The following CADPS2 variants were observed in gnomAD, a reference collection of about 807,000 sequenced individuals.
CADPS2 encodes calcium dependent secretion activator 2, also known as calcium-dependent secretion activator 2.
Under a neutral mutation model 172.5 loss-of-function variants are expected in CADPS2, and 93 were observed. That is an observed-to-expected ratio of 0.54 (90% CI 0.46 to 0.64). CADPS2 has a LOEUF of 0.64. Among genes scored for constraint, CADPS2 ranks in the 30% least tolerant of loss-of-function variants. The pLI is 0.00. For synonymous variants in CADPS2, 546 were observed against 555.2 expected (o/e 0.98, Z 0.23); for missense variants, 1,420 against 1,565.9 (o/e 0.91, Z 1.57).
At chr7:122,692,999 C>G (rs745606806) in intron 2 of CADPS2, among the ~76,000 whole-genome samples, 5 of 152,182 alleles carry the variant, frequency 3.3e-5, no homozygotes, top group Non-Finnish European at 7.3e-5. Context: ...ATAAATCTTC[C>G]CATGTTATGG....
chr7:122,532,486 T>C (rs1586919203), intron 8 of CADPS2, among the ~76,000 whole-genome samples: 2 of 152,152 alleles, frequency 1.3e-5, no homozygotes, highest in Admixed American at 6.6e-5. Context: ...AAATCTTACA[T>C]GGACAGCTTG....
At chr7:122,537,980 A>C (rs1383783230) in intron 8 of CADPS2, among the ~76,000 whole-genome samples, 1 of 152,012 alleles carries the variant, frequency 6.6e-6, no homozygotes, top group Non-Finnish European at 1.5e-5. Context: ...CATAAAATGC[A>C]AAAATTTAAA....
intron 6 of CADPS2, among the ~76,000 whole-genome samples, chr7:122,590,069 T>C (rs2070522135): frequency 6.6e-6 from 1 of 151,800 alleles, no homozygotes; most frequent in South Asian, 2.1e-4. Flanking sequence ...GTGAATTCCA[T>C]CAAAATCCTA....
At chr7:122,452,549 C>T (rs2053262060) in intron 14 of CADPS2, among the ~76,000 whole-genome samples, 1 of 152,124 alleles carries the variant, frequency 6.6e-6, no homozygotes. Flanking sequence ...GCACCTGTCA[C>T]TATGCTTGGC....
chr7:122,734,356 T>TAAAAAAAAAAAAAAAAACAAAAAAAAAA (rs2091945186), intron 2 of CADPS2, among the ~76,000 whole-genome samples: 1 of 46,294 alleles, frequency 2.2e-5, no homozygotes, highest in Non-Finnish European at 3.7e-5. Flanking sequence ...CCAGAAATAG[T>TAAAAAAAAAAAAAAAAACAAAAAAAAAA]AAAAAAAAAA....
At chr7:122,784,394 C>G (rs145305888) in intron 1 of CADPS2, among the ~76,000 whole-genome samples, 2 of 152,182 alleles carry the variant, frequency 1.3e-5, no homozygotes. Context: ...TAAATACATA[C>G]GCACTCATGT....
At chr7:122,640,171 C>T (rs1156563671) in intron 3 of CADPS2, among the ~76,000 whole-genome samples, 1 of 152,146 alleles carries the variant, frequency 6.6e-6, no homozygotes, top group African/African-American at 2.4e-5. Context: ...AGTCCACATC[C>T]AATCCACCTA....
intron 28 of CADPS2, among the ~76,000 whole-genome samples, chr7:122,334,102 T>G (rs2035454421): frequency 6.6e-6 from 1 of 152,134 alleles, no homozygotes; most frequent in South Asian, 2.1e-4. Flanking sequence ...AAATGGGGCT[T>G]AAAATGTGAC....
At chr7:122,575,567 G>A (rs537850164) in intron 7 of CADPS2, among the ~76,000 whole-genome samples, 1 of 151,690 alleles carries the variant, frequency 6.6e-6, no homozygotes, top group South Asian at 2.1e-4. Context: ...CTCCCAAGTA[G>A]GTGGGATTAC....
chr7:122,668,903 A>T (rs1304433364), intron 2 of CADPS2, among the ~76,000 whole-genome samples: 2 of 152,312 alleles, frequency 1.3e-5, no homozygotes, highest in African/African-American at 4.8e-5. Context: ...GTTTCCGCAT[A>T]TAACATCATC....
intron 22 of CADPS2, 145 bp from the exon 23 acceptor site, chr7:122,388,883 T>C: frequency 1.3e-6 from 1 of 768,558 alleles, no homozygotes; most frequent in South Asian, 3.0e-5. Context: ...TTTTCTTTGT[T>C]CAGCCTTCTA....
At chr7:122,679,572 C>T (rs2082796180) in intron 2 of CADPS2, among the ~76,000 whole-genome samples, 2 of 152,024 alleles carry the variant, frequency 1.3e-5, no homozygotes, top group South Asian at 4.2e-4. Flanking sequence ...TTTTGTTGCC[C>T]TTAAAGCATG....
intron 2 of CADPS2, among the ~76,000 whole-genome samples, chr7:122,686,156 T>C (rs190639469): frequency 7.6e-4 from 116 of 152,330 alleles, no homozygotes; most frequent in African/African-American, 2.6e-3. Flanking sequence ...GTTCATACTT[T>C]TCAGTTTTTT....
chr7:122,510,748 T>G (rs2059950117), intron 9 of CADPS2, among the ~76,000 whole-genome samples: 1 of 152,178 alleles, frequency 6.6e-6, no homozygotes, highest in South Asian at 2.1e-4. Context: ...AAACTGTGTG[T>G]GGATAGAATC....
At chr7:122,625,549 G>C (rs940335286) in intron 4 of CADPS2, among the ~76,000 whole-genome samples, 2 of 152,162 alleles carry the variant, frequency 1.3e-5, no homozygotes, top group Non-Finnish European at 2.9e-5. Flanking sequence ...AAAGGCGAAG[G>C]TTTCCTAAAG....
intron 1 of CADPS2, among the ~76,000 whole-genome samples, chr7:122,803,663 T>A (rs909679073): frequency 3.3e-5 from 5 of 152,180 alleles, no homozygotes; most frequent in Non-Finnish European, 4.4e-5. Context: ...TGATTCATTT[T>A]AAAAATTTAT....
chr7:122,511,702 T>C (rs984437351), intron 9 of CADPS2, among the ~76,000 whole-genome samples: 28 of 152,118 alleles, frequency 1.8e-4, no homozygotes, highest in African/African-American at 6.8e-4. Flanking sequence ...ATAAAATAAC[T>C]GAAAAAGAAG....
At chr7:122,559,121 G>GA (rs1208965523) in intron 7 of CADPS2, among the ~76,000 whole-genome samples, 2 of 152,052 alleles carry the variant, frequency 1.3e-5, no homozygotes, top group African/African-American at 2.4e-5. Context: ...AGCAATTCTT[G>GA]AAAAAATCAT....
At chr7:122,392,069 A>C (rs1006424967) in intron 22 of CADPS2, among the ~76,000 whole-genome samples, 1 of 152,164 alleles carries the variant, frequency 6.6e-6, no homozygotes, top group African/African-American at 2.4e-5. Context: ...TACTGGAAAC[A>C]GTAAAATCTC....
Sources: allele counts gnomAD v4.1 joint callset (sites outside exome capture counted in the v4.1 genomes callset), GRCh38; gene constraint gnomAD v4.1.1; transcripts MANE v1.5; gene names NCBI Gene and HGNC (gene_info 2026-07-23, HGNC 2026-07-21).